The following SH3RF3 variants were observed in gnomAD, a reference collection of about 807,000 sequenced individuals.
SH3RF3 encodes SH3 domain containing ring finger 3.
A neutral mutation model predicts 66.3 loss-of-function variants in SH3RF3; 29 were observed. That is an observed-to-expected ratio of 0.44 (90% CI 0.33 to 0.60). The LOEUF (loss-of-function observed/expected upper bound fraction) is 0.60, where lower values mean the gene tolerates loss of function less well. Ranked by LOEUF, SH3RF3 falls within the 20% of genes least tolerant of loss-of-function variation. SH3RF3 has a pLI of 0.04. For missense variants in SH3RF3, 1,194 were observed against 1,190.9 expected (o/e 1.00, Z -0.04); for synonymous variants, 583 against 532.0 (o/e 1.10, Z -1.32).
At chr2:109,326,384 G>A (rs1334097932) in intron 1 of SH3RF3, among the ~76,000 whole-genome samples, 1 of 152,006 alleles carries the variant, frequency 6.6e-6, no homozygotes, top group Non-Finnish European at 1.5e-5. Context: ...TCATGTAGAA[G>A]TACATCCTTA....
chr2:109,355,489 A>G (rs1004005987), intron 2 of SH3RF3, among the ~76,000 whole-genome samples: 12 of 152,368 alleles, frequency 7.9e-5, no homozygotes, highest in Middle Eastern at 3.4e-3. Context: ...AACTGCTGTC[A>G]TGCTACAATG....
intron 3 of SH3RF3, among the ~76,000 whole-genome samples, chr2:109,393,370 C>T (rs981439300): frequency 5.3e-5 from 8 of 152,336 alleles, no homozygotes; most frequent in South Asian, 2.1e-4. Context: ...AGAACAGCAT[C>T]GTCGTCTCTT....
chr2:109,358,370 G>A (rs1682993440), intron 2 of SH3RF3, among the ~76,000 whole-genome samples: 1 of 152,184 alleles, frequency 6.6e-6, no homozygotes, highest in Non-Finnish European at 1.5e-5. Context: ...CCATATGCAG[G>A]TTTTTGTGTG....
intron 8 of SH3RF3, among the ~76,000 whole-genome samples, chr2:109,468,465 G>T (rs1678417354): frequency 6.6e-6 from 1 of 152,170 alleles, no homozygotes; most frequent in South Asian, 2.1e-4. Context: ...AACACATCAT[G>T]CTGCTTGGTC....
intron 1 of SH3RF3, among the ~76,000 whole-genome samples, chr2:109,300,542 A>G (rs1681441459): frequency 6.6e-6 from 1 of 152,216 alleles, no homozygotes; most frequent in African/African-American, 2.4e-5. Flanking sequence ...TCCATGCTCC[A>G]GAGATGACAG....
chr2:109,487,286 A>G (rs1679008338), intron 8 of SH3RF3, among the ~76,000 whole-genome samples: 1 of 152,168 alleles, frequency 6.6e-6, no homozygotes, highest in African/African-American at 2.4e-5. Flanking sequence ...CCTCTCCCCG[A>G]GTACATGCCA....
intron 1 of SH3RF3, among the ~76,000 whole-genome samples, chr2:109,194,987 G>T (rs542494180): frequency 6.6e-6 from 1 of 152,130 alleles, no homozygotes; most frequent in Non-Finnish European, 1.5e-5. Flanking sequence ...CCTTTTTTGT[G>T]GATTTTGAGA....
chr2:109,231,815 A>G (rs1250734488), intron 1 of SH3RF3, among the ~76,000 whole-genome samples: 1 of 152,228 alleles, frequency 6.6e-6, no homozygotes, highest in Non-Finnish European at 1.5e-5. Flanking sequence ...TTAGTAATGT[A>G]GAATTTACTC....
intron 1 of SH3RF3, among the ~76,000 whole-genome samples, chr2:109,204,987 C>T (rs2105084079): frequency 6.6e-6 from 1 of 152,214 alleles, no homozygotes; most frequent in East Asian, 1.9e-4. Context: ...GCAGGAGGAT[C>T]ACTTGAAGCC....
At chr2:109,213,399 C>T (rs1418842578) in intron 1 of SH3RF3, among the ~76,000 whole-genome samples, 43 of 152,202 alleles carry the variant, frequency 2.8e-4, no homozygotes. Flanking sequence ...GCTCCTCAAA[C>T]CTCCCTCATT....
At chr2:109,165,557 G>T (rs771719275) in intron 1 of SH3RF3, among the ~76,000 whole-genome samples, 3 of 152,148 alleles carry the variant, frequency 2.0e-5, no homozygotes, top group Non-Finnish European at 2.9e-5. Context: ...TGTCTGTGGG[G>T]GACTGTGTGG....
intron 1 of SH3RF3, among the ~76,000 whole-genome samples, chr2:109,347,068 C>T (rs960711776): frequency 2.0e-5 from 3 of 152,180 alleles, no homozygotes; most frequent in Admixed American, 6.5e-5. Flanking sequence ...CTCAGCACGA[C>T]GGATGCCATG....
chr2:109,440,597 A>G (rs1272777680), intron 7 of SH3RF3, among the ~76,000 whole-genome samples: 2 of 152,372 alleles, frequency 1.3e-5, no homozygotes, highest in East Asian at 3.9e-4. Context: ...AAAGCCAAGT[A>G]TATAAAACAA....
chr2:109,418,461 C>T (rs964535524), intron 4 of SH3RF3, among the ~76,000 whole-genome samples: 1 of 152,146 alleles, frequency 6.6e-6, no homozygotes, highest in African/African-American at 2.4e-5. Context: ...GGGCTCCCTC[C>T]TGGCTTTGGT....
At chr2:109,151,360 A>G (rs1574476073) in intron 1 of SH3RF3, among the ~76,000 whole-genome samples, 3 of 152,310 alleles carry the variant, frequency 2.0e-5, no homozygotes, top group Middle Eastern at 3.4e-3. Flanking sequence ...TGAAAAGCTA[A>G]TGGTTTAACA....
chr2:109,182,054 C>T (rs1053343890), intron 1 of SH3RF3, among the ~76,000 whole-genome samples: 23 of 152,058 alleles, frequency 1.5e-4, no homozygotes, highest in Admixed American at 9.8e-4. Context: ...ATATGTATGC[C>T]GTAAACCTGA....
At chr2:109,257,294 A>G (rs914389249) in intron 1 of SH3RF3, among the ~76,000 whole-genome samples, 17 of 149,718 alleles carry the variant, frequency 1.1e-4, no homozygotes, top group Admixed American at 6.0e-4. Context: ...TCTGCTTTTA[A>G]GTGATGTGGG....
intron 1 of SH3RF3, among the ~76,000 whole-genome samples, chr2:109,290,486 G>C (rs549491582): frequency 1.3e-5 from 2 of 152,178 alleles, no homozygotes; most frequent in Non-Finnish European, 2.9e-5. Flanking sequence ...ATTCTATAGC[G>C]CCCAACTTCT....
intron 8 of SH3RF3, among the ~76,000 whole-genome samples, chr2:109,484,850 C>T (rs777596599): frequency 2.0e-5 from 3 of 152,222 alleles, no homozygotes; most frequent in Non-Finnish European, 2.9e-5. Flanking sequence ...TCCCAGGCCT[C>T]TGAGGATCCA....
Sources: allele counts gnomAD v4.1 joint callset (sites outside exome capture counted in the v4.1 genomes callset), GRCh38; gene constraint gnomAD v4.1.1; transcripts MANE v1.5; gene names NCBI Gene and HGNC (gene_info 2026-07-23, HGNC 2026-07-21).